GABRG3: variants seen among roughly 807,000 people sequenced by gnomAD.
The protein encoded by GABRG3 is gamma-aminobutyric acid receptor subunit gamma-3.
In GABRG3, 25 loss-of-function variants were observed where a neutral mutation model predicts 48.8. The ratio of observed to expected loss-of-function variants is 0.51; its 90% CI spans 0.37 to 0.72. GABRG3 has a LOEUF of 0.72. Among genes scored for constraint, GABRG3 ranks in the 30% least tolerant of loss-of-function variants. The probability of loss-of-function intolerance (pLI) is 0.00; values close to 1 mark genes in which losing one functional copy is unlikely to be tolerated. For synonymous variants in GABRG3, 227 were observed against 217.6 expected (o/e 1.04, Z -0.38); for missense variants, 394 against 577.9 (o/e 0.68, Z 3.26).
At chr15:27,060,378 T>G (rs1042304731) in intron 3 of GABRG3, among the ~76,000 whole-genome samples, 1 of 152,234 alleles carries the variant, frequency 6.6e-6, no homozygotes, top group Non-Finnish European at 1.5e-5. Context: ...AGATGTGGCA[T>G]GCTGCTCCAG....
intron 5 of GABRG3, among the ~76,000 whole-genome samples, chr15:27,366,632 G>A (rs1027386913): frequency 3.3e-5 from 5 of 152,098 alleles, no homozygotes; most frequent in African/African-American, 9.7e-5. Context: ...AACCCAAGCT[G>A]TGTCTTCACG....
intron 3 of GABRG3, among the ~76,000 whole-genome samples, chr15:27,126,952 A>G (rs1897832281): frequency 6.6e-6 from 1 of 152,174 alleles, no homozygotes; most frequent in Non-Finnish European, 1.5e-5. Context: ...CTTGGAAGGC[A>G]GGTCAGGCAC....
chr15:27,112,243 T>A (rs763652631), intron 3 of GABRG3, among the ~76,000 whole-genome samples: 1 of 152,022 alleles, frequency 6.6e-6, no homozygotes, highest in African/African-American at 2.4e-5. Flanking sequence ...AGGGTAACAG[T>A]GTTTTCCGGT....
intron 3 of GABRG3, among the ~76,000 whole-genome samples, chr15:27,237,226 C>G (rs1890002152): frequency 6.6e-6 from 1 of 152,212 alleles, no homozygotes; most frequent in Admixed American, 6.5e-5. Context: ...AAATCCAGTG[C>G]TGACCCACGA....
intron 3 of GABRG3, among the ~76,000 whole-genome samples, chr15:27,043,869 C>G (rs777876831): frequency 6.6e-6 from 1 of 152,212 alleles, no homozygotes; most frequent in East Asian, 1.9e-4. Flanking sequence ...GCCTGCAGTC[C>G]TCCCGAGGCT....
At chr15:27,109,227 A>G (rs1034277017) in intron 3 of GABRG3, among the ~76,000 whole-genome samples, 1 of 152,204 alleles carries the variant, frequency 6.6e-6, no homozygotes, top group African/African-American at 2.4e-5. Context: ...AAAATTGAGC[A>G]GAGTTTACAG....
intron 2 of GABRG3, 106 bp from the exon 3 acceptor site, chr15:27,026,648 C>G: frequency 1.6e-6 from 1 of 608,116 alleles, no homozygotes; most frequent in Non-Finnish European, 2.7e-6. Flanking sequence ...ATGTGTGTTT[C>G]CACCATGTCC....
intron 3 of GABRG3, among the ~76,000 whole-genome samples, chr15:27,155,706 A>G (rs1898406490): frequency 6.6e-6 from 1 of 151,986 alleles, no homozygotes; most frequent in South Asian, 2.1e-4. Context: ...ATAGGGAGGG[A>G]GTTCTAGCTT....
chr15:27,003,196 A>ATT (rs1284490318), intron 2 of GABRG3, among the ~76,000 whole-genome samples: 38 of 133,710 alleles, frequency 2.8e-4, no homozygotes, highest in Admixed American at 2.3e-4. Context: ...TTGTATTTTT[A>ATT]TTTTATATTT....
At position 27,020,118 on chromosome 15, in the gene GABRG3, A is replaced by G. The variant is rs548303415; in HGVS notation, c.203-6636A>G. ...TTCAGCCTCTCTTCCACGTAGGGGAACTGAGGCACAGAGATCTGAAGAAAC... is the reference window on the plus strand; with the variant it reads ...TTCAGCCTCTCTTCCACGTAGGGGAGCTGAGGCACAGAGATCTGAAGAAAC... On this transcript the variant is annotated intron_variant, in intron 2 of 9. Transcript: ENST00000615808. 2.0e-5 allele frequency among the ~76,000 whole-genome samples: 3 copies of G among 152,248 alleles called. No individual in the cohort carries two copies. In the South Asian group the frequency reaches 6.2e-4, roughly 32 times the overall value.
intron 3 of GABRG3, among the ~76,000 whole-genome samples, chr15:27,079,644 G>A (rs535900394): frequency 6.6e-6 from 1 of 152,078 alleles, no homozygotes; most frequent in Non-Finnish European, 1.5e-5. Flanking sequence ...AAGCTTGATG[G>A]TTCTCACCAG....
intron 3 of GABRG3, among the ~76,000 whole-genome samples, chr15:27,076,261 C>G (rs1330226832): frequency 6.6e-6 from 1 of 151,660 alleles, no homozygotes; most frequent in Non-Finnish European, 1.5e-5. Context: ...TCCCTGGAAG[C>G]TGCAGCAGCT....
chr15:27,105,315 G>A (rs1395556013), intron 3 of GABRG3, among the ~76,000 whole-genome samples: 1 of 152,036 alleles, frequency 6.6e-6, no homozygotes, highest in Non-Finnish European at 1.5e-5. Flanking sequence ...AAGAAGAAAT[G>A]TATAAATCTA....
intron 5 of GABRG3, among the ~76,000 whole-genome samples, chr15:27,349,894 C>T (rs981902889): frequency 3.3e-5 from 5 of 150,328 alleles, no homozygotes; most frequent in Admixed American, 3.3e-4. Flanking sequence ...CCATGTTTAT[C>T]TTTTTGTCAT....
intron 2 of GABRG3, among the ~76,000 whole-genome samples, chr15:27,024,256 G>A (rs1895946793): frequency 6.6e-6 from 1 of 151,996 alleles, no homozygotes; most frequent in South Asian, 2.1e-4. Context: ...CCACTCAATG[G>A]GTTGTCTTTT....
At chr15:27,314,618 G>T (rs1337770623) in intron 3 of GABRG3, among the ~76,000 whole-genome samples, 1 of 152,160 alleles carries the variant, frequency 6.6e-6, no homozygotes, top group Admixed American at 6.5e-5. Flanking sequence ...CACTCCAGTG[G>T]TTGTTGCACC....
chr15:27,443,516 T>G (rs1888852679), intron 5 of GABRG3, among the ~76,000 whole-genome samples: 1 of 152,234 alleles, frequency 6.6e-6, no homozygotes, highest in Non-Finnish European at 1.5e-5. Flanking sequence ...TTACTGACCT[T>G]GTACCTGTGA....
At chr15:27,437,749 T>G (rs1266034847) in intron 5 of GABRG3, among the ~76,000 whole-genome samples, 2 of 152,232 alleles carry the variant, frequency 1.3e-5, no homozygotes, top group South Asian at 2.1e-4. Flanking sequence ...ATTTATTTTT[T>G]AAGAAGGTTT....
intron 3 of GABRG3, among the ~76,000 whole-genome samples, chr15:27,177,281 T>A (rs1887778067): frequency 6.6e-6 from 1 of 152,190 alleles, no homozygotes; most frequent in African/African-American, 2.4e-5. Flanking sequence ...GTCTGAGAAA[T>A]ATCTCAAAAC....
Sources: gnomAD v4.1 joint callset for allele counts (sites outside exome capture counted in the v4.1 genomes callset) on GRCh38, gnomAD v4.1.1 for gene constraint, MANE v1.5 for transcripts, NCBI Gene and HGNC (gene_info 2026-07-23, HGNC 2026-07-21) for gene names.